The following SIDT1 variants were observed in gnomAD, a reference collection of about 807,000 sequenced individuals.
SIDT1 encodes the protein SID1 transmembrane family member 1.
Under a neutral mutation model 107.5 loss-of-function variants are expected in SIDT1, and 101 were observed. That is an observed-to-expected ratio of 0.94 (90% CI 0.80 to 1.11). The LOEUF (loss-of-function observed/expected upper bound fraction) is 1.11, where lower values mean the gene tolerates loss of function less well. Ranked by LOEUF, SIDT1 falls within the 50% of genes least tolerant of loss-of-function variation. The pLI is 0.00. For missense variants in SIDT1, 1,076 were observed against 1,058.2 expected (o/e 1.02, Z -0.23); for synonymous variants, 395 against 398.2 (o/e 0.99, Z 0.10).
At chr3:113,588,976 G>A (rs1013421291) in intron 9 of SIDT1, among the ~76,000 whole-genome samples, 2 of 152,190 alleles carry the variant, frequency 1.3e-5, no homozygotes, top group African/African-American at 4.8e-5. Flanking sequence ...CTAAGAGCTA[G>A]CTCTTCTGGG....
intron 9 of SIDT1, among the ~76,000 whole-genome samples, chr3:113,587,011 C>G (rs941392011): frequency 6.6e-6 from 1 of 152,184 alleles, no homozygotes; most frequent in South Asian, 2.1e-4. Context: ...ATTGACAAAA[C>G]TGGAATACAG....
At position 113,532,992 on chromosome 3, in the gene SIDT1, C is replaced by T. The variant is rs1937629865; in HGVS notation, c.-30C>T. Reference sequence around the variant, plus strand: ...CGCTCGCCCCCTCCCCAGGGTGGCTCCGCTTTCGAGCCCGGGCGCGGTGCC... The same window carrying T: ...CGCTCGCCCCCTCCCCAGGGTGGCTTCGCTTTCGAGCCCGGGCGCGGTGCC... On this transcript the variant is annotated 5_prime_UTR_variant, in exon 1 of 25. Coordinates refer to ENST00000264852, the MANE Select transcript of SIDT1 (RefSeq NM_017699.3). The T allele has an allele frequency of 7.5e-7, 1 of 1,332,856 alleles. No homozygotes were observed. The highest frequency in any genetic ancestry group is 9.6e-7 in the Non-Finnish European group (1 of 1,044,692). 82.6% of individuals were successfully genotyped at this position (1,332,856 alleles called of 1,614,324 possible). A position where few individuals can be genotyped will look rare whatever the true frequency, so the allele number is the denominator to read the frequency against.
intron 19 of SIDT1, among the ~76,000 whole-genome samples, chr3:113,612,916 A>C (rs1337273345): frequency 6.6e-6 from 1 of 152,226 alleles, no homozygotes; most frequent in East Asian, 1.9e-4. Flanking sequence ...GCCCAGAGCA[A>C]AAGTCCAAAT....
chr3:113,604,465 A>G (rs1239263270), intron 13 of SIDT1, among the ~76,000 whole-genome samples: 1 of 152,238 alleles, frequency 6.6e-6, no homozygotes, highest in Non-Finnish European at 1.5e-5. Context: ...TGTTTAATCT[A>G]ACAGCAGCCT....
downstream of SIDT1, among the ~76,000 whole-genome samples, chr3:113,629,763 G>T (rs1482947597): frequency 1.3e-5 from 2 of 152,166 alleles, no homozygotes; most frequent in Non-Finnish European, 2.9e-5. Context: ...TGGGGAAAGG[G>T]CCCTGGAGGA....
At chr3:113,592,654 C>G (rs1259929719) in intron 9 of SIDT1, 1 of 247,988 alleles carries the variant, frequency 4.0e-6, no homozygotes, top group Non-Finnish European at 8.0e-6. Flanking sequence ...GTGGCATGAT[C>G]TCAGCTCACT....
At position 113,532,993 on chromosome 3, in the gene SIDT1, C is replaced by A; in HGVS notation, c.-29C>A. On this transcript the variant is annotated 5_prime_UTR_variant, in exon 1 of 25. Coordinates refer to ENST00000264852, the MANE Select transcript of SIDT1 (RefSeq NM_017699.3). ...GCTCGCCCCCTCCCCAGGGTGGCTC[C>A]GCTTTCGAGCCCGGGCGCGGTGCCC... 7.5e-7 allele frequency: 1 copy of A among 1,333,746 alleles called. No homozygotes were observed. Among genetic ancestry groups the A allele is most frequent in the Non-Finnish European group, 9.6e-7 (1 of 1,045,108 alleles). 82.6% of individuals were successfully genotyped at this position (1,333,746 alleles called of 1,614,324 possible). A position where few individuals can be genotyped will look rare whatever the true frequency, so the allele number is the denominator to read the frequency against.
intron 1 of SIDT1, among the ~76,000 whole-genome samples, chr3:113,547,902 A>G (rs577811648): frequency 2.8e-4 from 42 of 152,248 alleles, no homozygotes; most frequent in South Asian, 6.2e-4. Context: ...AAAGGTGAGG[A>G]TCACCTATGT....
chr3:113,616,943 C>T (rs1403947356), intron 20 of SIDT1, among the ~76,000 whole-genome samples: 3 of 152,154 alleles, frequency 2.0e-5, no homozygotes, highest in Non-Finnish European at 4.4e-5. Context: ...CCACCTTGGC[C>T]TCCCAAAGTG....
intron 23 of SIDT1, 70 bp from the exon 24 acceptor site, chr3:113,626,031 TC>T: frequency 9.3e-7 from 1 of 1,070,930 alleles, no homozygotes; most frequent in East Asian, 2.4e-5. Context: ...TTTGTGGCTT[TC>T]TGGACGTTCA....
At chr3:113,579,805 C>A (rs1191559196) in intron 4 of SIDT1, among the ~76,000 whole-genome samples, 1 of 152,182 alleles carries the variant, frequency 6.6e-6, no homozygotes, top group African/African-American at 2.4e-5. Flanking sequence ...AATATAACTT[C>A]TCAATCAGTT....
At chr3:113,561,672 C>T (rs1412327638) in intron 1 of SIDT1, among the ~76,000 whole-genome samples, 2 of 152,218 alleles carry the variant, frequency 1.3e-5, no homozygotes, top group African/African-American at 4.8e-5. Context: ...CATCCATGTA[C>T]ATCAGAATCC....
At chr3:113,581,497 G>C in intron 6 of SIDT1, 53 bp downstream of exon 6, 2 of 1,410,766 alleles carry the variant, frequency 1.4e-6, no homozygotes, top group Admixed American at 1.7e-5. Context: ...TCAATAGATA[G>C]TGTACTTACT....
At chr3:113,592,140 T>A (rs1414547912) in intron 9 of SIDT1, among the ~76,000 whole-genome samples, 1 of 151,624 alleles carries the variant, frequency 6.6e-6, no homozygotes, top group Non-Finnish European at 1.5e-5. Flanking sequence ...GGATGGGGAG[T>A]GGGGAATGGG....
intron 19 of SIDT1, among the ~76,000 whole-genome samples, chr3:113,613,991 G>A (rs1342586898): frequency 6.6e-6 from 1 of 152,220 alleles, no homozygotes; most frequent in African/African-American, 2.4e-5. Flanking sequence ...GGATGGGGTA[G>A]AGGGGAATGA....
chr3:113,626,523 C>A (rs1417317390), intron 24 of SIDT1, among the ~76,000 whole-genome samples: 1 of 152,172 alleles, frequency 6.6e-6, no homozygotes, highest in Non-Finnish European at 1.5e-5. Context: ...CCCCCAGGAA[C>A]CACTTTTAGC....
At chr3:113,597,453 T>C (rs1481553739) in intron 10 of SIDT1, among the ~76,000 whole-genome samples, 1 of 138,864 alleles carries the variant, frequency 7.2e-6, no homozygotes, top group African/African-American at 2.8e-5. Context: ...GCCGAGATCA[T>C]GCCACTGCAC....
chr3:113,628,482 T>C lies in SIDT1; in HGVS notation c.*774T>C, dbSNP rs1205186587. On this transcript the variant is annotated 3_prime_UTR_variant, in exon 25 of 25. Transcript: ENST00000264852. ...AAGGCCCTGTCACTCCACAGATGTC[T>C]GGCCAGCTTCAAGGCAGAAGGAAAA... 1.3e-5 allele frequency: 2 copies of C among 152,962 alleles called. No homozygotes were observed. Among genetic ancestry groups the C allele is most frequent in the African/African-American group, 4.8e-5 (2 of 41,454 alleles). The allele number at this position is 152,962 out of a possible 1,614,324, so 9.5% of individuals were successfully genotyped here. A position where few individuals can be genotyped will look rare whatever the true frequency, so the allele number is the denominator to read the frequency against.
intron 21 of SIDT1, among the ~76,000 whole-genome samples, chr3:113,620,476 C>T (rs1343586836): frequency 6.6e-6 from 1 of 151,020 alleles, no homozygotes; most frequent in African/African-American, 2.4e-5. Context: ...AGATGATGAG[C>T]TCCTCAGGGT....
Sources: gnomAD v4.1 joint callset for allele counts (sites outside exome capture counted in the v4.1 genomes callset) on GRCh38, gnomAD v4.1.1 for gene constraint, MANE v1.5 for transcripts, NCBI Gene and HGNC (gene_info 2026-07-23, HGNC 2026-07-21) for gene names.